Variants in SMC5 observed in about 807,000 individuals in gnomAD.
SMC5 encodes the protein structural maintenance of chromosomes protein 5.
A neutral mutation model predicts 148.3 loss-of-function variants in SMC5; 88 were observed. The observed-to-expected ratio is 0.59, with a 90% CI of 0.50 to 0.71. The LOEUF (loss-of-function observed/expected upper bound fraction) is 0.71, where lower values mean the gene tolerates loss of function less well. Among genes scored for constraint, SMC5 ranks in the 30% least tolerant of loss-of-function variants. The pLI, the probability that SMC5 is intolerant of heterozygous loss-of-function variation, is 0.00. For synonymous variants in SMC5, 421 were observed against 432.8 expected, an observed-to-expected ratio of 0.97 and a Z score of 0.34; for missense variants, 1,142 against 1,298.9, an observed-to-expected ratio of 0.88 and a Z score of 1.86.
rs1161703332 is a variant in SMC5, at chr9:70,315,578, G to A, written c.1806G>A (p.Arg602=). 2 of 1,567,820 alleles carry A rather than the reference G, an allele frequency of 1.3e-6. No homozygotes were observed. The highest frequency in any genetic ancestry group is 1.7e-6 in the Non-Finnish European group (2 of 1,156,342). ...GTEKTRERIE[R]VIQETRLKQI... ...AAAAGACCAGAGAAAGAATTGAACG[G>A]GTAGGAAAGTAGTGAATCATGTACT... The change falls in exon 13 of 25, where the codon CGG becomes CGA. Residue 602 remains arginine (R), a splice_region_variant and synonymous_variant. Coordinates refer to ENST00000361138, the MANE Select transcript of SMC5 (RefSeq NM_015110.4).
rs949153198 is a variant in SMC5 at position 70,344,061 on chromosome 9, A to G, written c.2398-83A>G. 40 of 762,094 alleles carry G rather than the reference A, an allele frequency of 5.2e-5. 1 individual carries two copies. The African/African-American group carries it at 6.4e-4, about 12-fold the overall frequency. The allele number at this position is 762,094 out of a possible 1,614,324, so 47.2% of individuals were successfully genotyped here. A position where few individuals can be genotyped will look rare whatever the true frequency, so the allele number is the denominator to read the frequency against. The stretch of plus-strand genomic sequence containing the variant: ...TTATCATTATAATCAGAATTCAACA[A>G]TATTTAATATGTGGTAGTTTAATAA... On this transcript the variant is annotated intron_variant, in intron 17 of 24. Transcript: ENST00000361138.
At chr9:70,298,264 A>T in intron 9 of SMC5, 43 bp downstream of exon 9, 6 of 1,562,554 alleles carry the variant, frequency 3.8e-6, no homozygotes, top group Non-Finnish European at 4.3e-6. Context: ...TAAAATGTAG[A>T]TACATCTCTG....
At chr9:70,345,165 G>A (rs569998703) in intron 18 of SMC5, among the ~76,000 whole-genome samples, 1 of 110,180 alleles carries the variant, frequency 9.1e-6, no homozygotes, top group African/African-American at 2.5e-5. Flanking sequence ...ATAAATATAA[G>A]TACAATCTAC....
chr9:70,298,509 T>C (rs2035268802), intron 9 of SMC5, among the ~76,000 whole-genome samples: 1 of 152,158 alleles, frequency 6.6e-6, no homozygotes, highest in South Asian at 2.1e-4. Flanking sequence ...CTATTACTCA[T>C]ATCAAATTTA....
At position 70,350,405 on chromosome 9, in the gene SMC5, G is replaced by A. The variant is rs772483811; in HGVS notation, c.3099G>A (p.Val1033=). The A allele has an allele frequency of 3.3e-5, 53 of 1,607,334 alleles. No homozygotes were observed. Among genetic ancestry groups the A allele is most frequent in the Non-Finnish European group, 4.3e-5 (51 of 1,178,226 alleles). Residue 1033 remains valine, a synonymous_variant, in exon 24 of 25, where the codon GTG becomes GTA. Coordinates refer to ENST00000361138, the MANE Select transcript of SMC5 (RefSeq NM_015110.4). ...TGGACCCAATCAATGAACGGAGAGT[G>A]TTTGAAATGGTTGTAAATACTGCCT... ...QGMDPINERR[V]FEMVVNTACK... is the part of the protein sequence containing the mutation.
In SMC5 at chr9:70,318,678, A is replaced by G; in HGVS notation, c.1971A>G (p.Glu657=). 2 of 1,598,870 alleles carry G rather than the reference A, an allele frequency of 1.3e-6. No individual in the cohort carries two copies. The highest frequency in any genetic ancestry group is 8.5e-7 in the Non-Finnish European group (1 of 1,174,290). ...TAGAGCAGAGAAGACACTTAGAAGA[A>G]CAGCTAAAGGTTGGTTAATTTGATC... The part of the protein sequence containing the change: ...VDLEQRRHLE[E]QLKEIHRKLQ... Residue 657 remains glutamate (E), a synonymous_variant, in exon 14 of 25, where the codon GAA becomes GAG. Transcript: ENST00000361138.
At position 70,286,224 on chromosome 9, in the gene SMC5, CA is replaced by C; in HGVS notation, c.1011del (p.Lys337AsnfsTer9). On this transcript the variant is annotated frameshift_variant, in exon 8 of 25. Coordinates refer to ENST00000361138, the MANE Select transcript of SMC5 (RefSeq NM_015110.4). LOFTEE classifies it high-confidence loss of function. ...EKATDIKEAS[Q>X]KCKQKQDVIE... is the part of the protein sequence containing the mutation. ...GGCAACAGATATTAAGGAGGCATCTCAAAAATGCAAACAGAAGCAAGATGTT... is the reference window on the plus strand; with the variant it reads ...GGCAACAGATATTAAGGAGGCATCTCAAAATGCAAACAGAAGCAAGATGTT... 6.4e-7 allele frequency: 1 copy of C among 1,553,682 alleles called. No homozygotes were observed. The highest frequency in any genetic ancestry group is 8.7e-7 in the Non-Finnish European group (1 of 1,143,308).
chr9:70,283,393 C>T (rs917387271), intron 7 of SMC5, among the ~76,000 whole-genome samples: 2 of 152,044 alleles, frequency 1.3e-5, no homozygotes, highest in Non-Finnish European at 2.9e-5. Context: ...CTTGCGCCTA[C>T]GAGGCAGAGG....
chr9:70,259,401 C>T, intron 1 of SMC5, 138 bp downstream of exon 1: 1 of 883,862 alleles, frequency 1.1e-6, no homozygotes, highest in Non-Finnish European at 1.7e-6. Flanking sequence ...GCCGGGGTTC[C>T]CTTGAGGATT....
chr9:70,269,512 T>C (rs932112237), intron 3 of SMC5, among the ~76,000 whole-genome samples: 1 of 151,826 alleles, frequency 6.6e-6, no homozygotes, highest in African/African-American at 2.4e-5. Context: ...CCTGGGGAGG[T>C]AGAGGATGTA....
intron 11 of SMC5, 145 bp downstream of exon 11, chr9:70,305,505 T>C (rs770518770): frequency 1.6e-5 from 9 of 551,896 alleles, no homozygotes; most frequent in Admixed American, 3.7e-5. Flanking sequence ...GCTAATTTCT[T>C]TCCTATTTAT....
At chr9:70,260,537 C>G (rs1383849239) in intron 1 of SMC5, among the ~76,000 whole-genome samples, 1 of 152,166 alleles carries the variant, frequency 6.6e-6, no homozygotes, top group Non-Finnish European at 1.5e-5. Flanking sequence ...CATAACAACT[C>G]TATCTTGATA....
At chr9:70,265,707 G>A (rs141253317) in intron 2 of SMC5, among the ~76,000 whole-genome samples, 22 of 152,254 alleles carry the variant, frequency 1.4e-4, no homozygotes, top group African/African-American at 4.8e-4. Context: ...GCAAAAGAAA[G>A]TAGATGTAGC....
chr9:70,279,173 T>G (rs975611027), intron 5 of SMC5, among the ~76,000 whole-genome samples: 9 of 152,208 alleles, frequency 5.9e-5, no homozygotes, highest in Non-Finnish European at 1.0e-4. Context: ...TAATGGATCT[T>G]TTTTCTACAT....
At chr9:70,341,551 A>G (rs1177739656) in intron 17 of SMC5, among the ~76,000 whole-genome samples, 1 of 152,182 alleles carries the variant, frequency 6.6e-6, no homozygotes, top group African/African-American at 2.4e-5. Context: ...TATAGTACTA[A>G]GTGGTTAGTA....
At chr9:70,323,902 A>C in intron 16 of SMC5, 119 bp from the exon 17 acceptor site, 1 of 981,384 alleles carries the variant, frequency 1.0e-6, no homozygotes. Context: ...GAGAGATGTC[A>C]GGCACAATAG....
Position 70,348,023 on chromosome 9 carries a change from C to G in SMC5, c.2874C>G (p.Leu958=), listed in dbSNP as rs372756291. Residue 958 remains leucine (L), a synonymous_variant, in exon 22 of 25, where the codon CTC becomes CTG. Transcript: ENST00000361138. The part of the protein sequence containing the change: ...SSMQCAGEVD[L]HTENEEDYDK... ...TGCAGTGTGCTGGTGAAGTTGATCT[C>G]CATACAGAAAATGAGGTAAAATTGC... is the stretch of plus-strand genomic sequence containing the variant. 18 of 1,571,276 alleles carry G rather than the reference C, an allele frequency of 1.1e-5. No individual in the cohort carries two copies. The Middle Eastern group carries it at 7.2e-4, about 63-fold the overall frequency.
intron 11 of SMC5, among the ~76,000 whole-genome samples, chr9:70,310,224 C>T (rs1458760376): frequency 6.6e-6 from 1 of 152,160 alleles, no homozygotes; most frequent in East Asian, 1.9e-4. Flanking sequence ...GGCAGCCATA[C>T]ATAGTGTTAT....
chr9:70,314,662 G>GT, intron 11 of SMC5, 80 bp from the exon 12 acceptor site: 1 of 614,060 alleles, frequency 1.6e-6, no homozygotes, highest in Non-Finnish European at 2.6e-6. Context: ...ACGAATGCCA[G>GT]TAGGAGTATG....
Sources: gnomAD v4.1 joint callset for allele counts (sites outside exome capture counted in the v4.1 genomes callset) on GRCh38, gnomAD v4.1.1 for gene constraint, MANE v1.5 for transcripts, NCBI Gene and HGNC (gene_info 2026-07-23, HGNC 2026-07-21) for gene names.